The following SMURF1 variants were observed in gnomAD, a reference collection of about 807,000 sequenced individuals.
The protein encoded by SMURF1 is SMAD specific E3 ubiquitin protein ligase 1.
A neutral mutation model predicts 98.0 loss-of-function variants in SMURF1; 44 were observed. That is an observed-to-expected ratio of 0.45 (90% CI 0.35 to 0.58). The LOEUF (loss-of-function observed/expected upper bound fraction) is 0.58. SMURF1 is among the 20% of genes least tolerant of loss of function. The probability of loss-of-function intolerance (pLI) is 0.00; values close to 1 mark genes in which losing one functional copy is unlikely to be tolerated. For missense variants in SMURF1, 687 were observed against 938.4 expected (o/e 0.73, Z 3.50); for synonymous variants, 396 against 374.9 (o/e 1.06, Z -0.65).
chr7:99,088,985 C>G (rs1423352092), intron 1 of SMURF1, among the ~76,000 whole-genome samples: 2 of 152,134 alleles, frequency 1.3e-5, no homozygotes, highest in African/African-American at 4.8e-5. Flanking sequence ...GCGGGCAGAT[C>G]ACAAGGTCAA....
chr7:99,063,269 A>AAGATT (rs1483132380), intron 1 of SMURF1, among the ~76,000 whole-genome samples: 3 of 15,700 alleles, frequency 1.9e-4, no homozygotes, highest in Admixed American at 2.0e-3. Flanking sequence ...ATATATATAT[A>AAGATT]TATATATATA....
chr7:99,131,598 G>A (rs1395326896), intron 1 of SMURF1, among the ~76,000 whole-genome samples: 1 of 152,130 alleles, frequency 6.6e-6, no homozygotes, highest in African/African-American at 2.4e-5. Flanking sequence ...TTAAAAATTA[G>A]CTGGGCATGG....
intron 11 of SMURF1, chr7:99,045,495 C>G (rs1795544372): frequency 1.9e-6 from 1 of 527,702 alleles, no homozygotes; most frequent in African/African-American, 1.9e-5. Flanking sequence ...TAGGTTATGG[C>G]AAGAGGCTGG....
intron 1 of SMURF1, among the ~76,000 whole-genome samples, chr7:99,108,839 G>A (rs1338470881): frequency 6.6e-6 from 1 of 152,074 alleles, no homozygotes; most frequent in Non-Finnish European, 1.5e-5. Flanking sequence ...ATTCAGTATT[G>A]ACAAGAGTAA....
intron 1 of SMURF1, among the ~76,000 whole-genome samples, chr7:99,066,740 C>T (rs1029759504): frequency 2.9e-4 from 43 of 149,898 alleles, no homozygotes; most frequent in Non-Finnish European, 4.0e-4. Context: ...GACCACACCA[C>T]TGCACTCCAG....
Position 99,045,426 on chromosome 7 carries a change from A to G in SMURF1, c.1256+272T>C, listed in dbSNP as rs113307276. 7.6e-4 allele frequency: 346 copies of G among 454,470 alleles called. 3 individuals are homozygous for G. Among genetic ancestry groups the G allele is most frequent in the African/African-American group, 6.1e-3 (308 of 50,206 alleles). 28.2% of individuals were successfully genotyped at this position (454,470 alleles called of 1,614,324 possible). ...GTTTCAAAAGAAGGGAGTGAATTTA[A>G]AAGTTTAATTCTAGCTTTACAAGAA... On this transcript the variant is annotated intron_variant, in intron 11 of 17. Coordinates refer to ENST00000361368, the MANE Select transcript of SMURF1 (RefSeq NM_181349.3).
chr7:99,118,991 G>T, intron 1 of SMURF1, among the ~76,000 whole-genome samples: 1 of 128,660 alleles, frequency 7.8e-6, no homozygotes, highest in South Asian at 2.7e-4. Flanking sequence ...CTCCTGAGAA[G>T]CTAACATGCC....
At chr7:99,102,324 T>C (rs1487728347) in intron 1 of SMURF1, among the ~76,000 whole-genome samples, 1 of 152,228 alleles carries the variant, frequency 6.6e-6, no homozygotes, top group Non-Finnish European at 1.5e-5. Flanking sequence ...ATCCACTCAA[T>C]AGTTAAAATG....
chr7:99,035,806 A>T, intron 15 of SMURF1, 90 bp from the exon 16 acceptor site: 2 of 1,297,962 alleles, frequency 1.5e-6, no homozygotes, highest in Admixed American at 2.0e-5. Context: ...CAACAGTGAA[A>T]AGTCGATTCC....
chr7:99,122,079 A>G (rs1584203176), intron 1 of SMURF1, among the ~76,000 whole-genome samples: 1 of 152,220 alleles, frequency 6.6e-6, no homozygotes, highest in East Asian at 1.9e-4. Flanking sequence ...CTGTAATCCC[A>G]GCACTTTGGG....
At chr7:99,127,857 C>T (rs906607209) in intron 1 of SMURF1, among the ~76,000 whole-genome samples, 1 of 152,066 alleles carries the variant, frequency 6.6e-6, no homozygotes, top group African/African-American at 2.4e-5. Context: ...GCTGAGAGAT[C>T]GTGGACTGGC....
intron 1 of SMURF1, among the ~76,000 whole-genome samples, chr7:99,075,088 A>G (rs191162851): frequency 1.3e-5 from 2 of 152,270 alleles, no homozygotes; most frequent in Non-Finnish European, 2.9e-5. Context: ...AGTAGTAAGT[A>G]GTGTTTTCCT....
chr7:99,104,186 C>T (rs1244695185), intron 1 of SMURF1, among the ~76,000 whole-genome samples: 2 of 152,214 alleles, frequency 1.3e-5, no homozygotes, highest in Non-Finnish European at 2.9e-5. Flanking sequence ...GGTGCCCCGC[C>T]GGGACACATA....
chr7:99,073,336 G>T (rs1025919236), intron 1 of SMURF1, among the ~76,000 whole-genome samples: 6 of 149,066 alleles, frequency 4.0e-5, no homozygotes, highest in Admixed American at 1.4e-4. Flanking sequence ...TCCAGATCAC[G>T]CAACTGCACT....
At chr7:99,036,762 G>A (rs1342345887) in intron 15 of SMURF1, among the ~76,000 whole-genome samples, 3 of 152,158 alleles carry the variant, frequency 2.0e-5, no homozygotes, top group Admixed American at 1.3e-4. Flanking sequence ...TCCCAAGACA[G>A]GAGAGGGCTA....
At chr7:99,047,957 G>C in intron 9 of SMURF1, 75 bp from the exon 10 acceptor site, 1 of 1,379,384 alleles carries the variant, frequency 7.2e-7, no homozygotes, top group Non-Finnish European at 1.0e-6. Flanking sequence ...GTACGCGACA[G>C]GGTCAGAGGA....
intron 1 of SMURF1, among the ~76,000 whole-genome samples, chr7:99,137,770 C>T (rs1432392569): frequency 6.6e-6 from 1 of 152,090 alleles, no homozygotes; most frequent in Non-Finnish European, 1.5e-5. Flanking sequence ...ATTATTTAAG[C>T]CTTGTTTTAA....
Position 99,037,097 on chromosome 7 carries a change from C to G in SMURF1, c.1779G>C (p.Leu593=), listed in dbSNP as rs996437589. 4.3e-6 allele frequency: 7 copies of G among 1,614,078 alleles called. No homozygotes were observed. The highest frequency in any genetic ancestry group is 5.9e-6 in the Non-Finnish European group (7 of 1,180,030). ...KGFNELIPQH[L]LKPFDQKELE... Reference sequence around the variant, plus strand: ...GTTCCTTCTGGTCAAAAGGCTTCAGCAGATGTTGAGGGATGAGCTCATTGA... The same window carrying G: ...GTTCCTTCTGGTCAAAAGGCTTCAGGAGATGTTGAGGGATGAGCTCATTGA... The change falls in exon 15 of 18, where the codon CTG becomes CTC. Residue 593 remains leucine (L), a synonymous_variant. Transcript: ENST00000361368.
At chr7:99,073,162 G>T (rs1172839644) in intron 1 of SMURF1, among the ~76,000 whole-genome samples, 1 of 152,038 alleles carries the variant, frequency 6.6e-6, no homozygotes. Context: ...TGGATCACAA[G>T]GTCAGGAGCT....
Sources: gnomAD v4.1 joint callset for allele counts (sites outside exome capture counted in the v4.1 genomes callset) on GRCh38, gnomAD v4.1.1 for gene constraint, MANE v1.5 for transcripts, NCBI Gene and HGNC (gene_info 2026-07-23, HGNC 2026-07-21) for gene names.